DNAH7: variants seen among roughly 807,000 people sequenced by gnomAD.
DNAH7 encodes dynein axonemal heavy chain 7.
Under a neutral mutation model 444.6 loss-of-function variants are expected in DNAH7, and 397 were observed. The ratio of observed to expected loss-of-function variants is 0.89; its 90% CI spans 0.82 to 0.97. DNAH7 has a LOEUF of 0.97. Among genes scored for constraint, DNAH7 ranks in the 50% least tolerant of loss-of-function variants. The probability of loss-of-function intolerance (pLI) is 0.00; values close to 1 mark genes in which losing one functional copy is unlikely to be tolerated. For missense variants in DNAH7, 4,902 were observed against 4,800.8 expected (o/e 1.02, Z -0.62); for synonymous variants, 1,636 against 1,624.4 (o/e 1.01, Z -0.17).
In DNAH7 at chr2:195,957,387, T is replaced by C. The variant is rs772928771; in HGVS notation, c.2952A>G (p.Gln984=). The C allele has an allele frequency of 6.2e-6, 10 of 1,603,354 alleles. No homozygotes were observed. Among genetic ancestry groups the C allele is most frequent in the Non-Finnish European group, 8.5e-6 (10 of 1,172,592 alleles). The change falls in exon 19 of 65, where the codon CAA becomes CAG. Residue 984 remains glutamine (Q), a synonymous_variant. Coordinates refer to ENST00000312428, the MANE Select transcript of DNAH7 (RefSeq NM_018897.3). ...TGGGCTCCAGATACAGCCACGTGGC[T>C]TGGACTTTGAGCCATTCATCCAGAA... The part of the protein sequence containing the change: ...QEILDEWLKV[Q]ATWLYLEPIF...
chr2:196,064,340 TA>T (rs5837488), intron 1 of DNAH7, among the ~76,000 whole-genome samples: 119,769 of 142,192 alleles, frequency 0.84, 50,490 homozygotes, highest in South Asian at 0.96. Flanking sequence ...AATAAATAAA[TA>T]AATAAATAAT....
intron 37 of DNAH7, 121 bp downstream of exon 37, chr2:195,876,423 C>A: frequency 1.0e-6 from 1 of 971,570 alleles, no homozygotes; most frequent in Non-Finnish European, 1.5e-6. Flanking sequence ...ACCTTTTAAT[C>A]CAAATTTGTG....
At chr2:195,810,434 G>T (rs1302841980) in intron 51 of DNAH7, among the ~76,000 whole-genome samples, 1 of 152,002 alleles carries the variant, frequency 6.6e-6, no homozygotes, top group Non-Finnish European at 1.5e-5. Flanking sequence ...TTGAGACAGG[G>T]TCTCACTCTG....
intron 9 of DNAH7, among the ~76,000 whole-genome samples, chr2:196,016,140 A>G (rs1388562176): frequency 6.6e-6 from 1 of 152,150 alleles, no homozygotes; most frequent in Non-Finnish European, 1.5e-5. Flanking sequence ...GCCTCCTGAA[A>G]TCGTCTAACA....
intron 54 of DNAH7, among the ~76,000 whole-genome samples, chr2:195,805,588 T>C (rs1696670585): frequency 6.6e-6 from 1 of 152,164 alleles, no homozygotes; most frequent in Admixed American, 6.6e-5. Flanking sequence ...AGAGTGACTT[T>C]CGTGGACCCA....
intron 5 of DNAH7, among the ~76,000 whole-genome samples, chr2:196,035,515 G>A (rs1559356447): frequency 6.6e-6 from 1 of 152,140 alleles, no homozygotes. Context: ...TCTCAAGGAT[G>A]ATTGTATGAA....
chr2:195,801,718 G>A (rs568673898), intron 54 of DNAH7, among the ~76,000 whole-genome samples: 3 of 152,198 alleles, frequency 2.0e-5, no homozygotes, highest in South Asian at 2.1e-4. Flanking sequence ...TCCAAACTTC[G>A]ATTTTATAGT....
chr2:195,948,349 G>C (rs1689968448), intron 19 of DNAH7, among the ~76,000 whole-genome samples: 2 of 152,180 alleles, frequency 1.3e-5, no homozygotes, highest in Non-Finnish European at 2.9e-5. Flanking sequence ...TGGTGTTTTA[G>C]TCTTGAAGGC....
At chr2:196,040,425 C>G (rs1370423271) in intron 5 of DNAH7, among the ~76,000 whole-genome samples, 5 of 152,072 alleles carry the variant, frequency 3.3e-5, no homozygotes, top group Non-Finnish European at 5.9e-5. Flanking sequence ...GTTCAACATT[C>G]ATAAATCAAT....
intron 31 of DNAH7, 45 bp from the exon 32 acceptor site, chr2:195,889,026 TAA>T (rs1701863653): frequency 6.6e-7 from 1 of 1,510,324 alleles, no homozygotes; most frequent in African/African-American, 1.4e-5. Flanking sequence ...GTAATGATGA[TAA>T]TATAAAGAAA....
intron 28 of DNAH7, among the ~76,000 whole-genome samples, chr2:195,899,877 T>C (rs1011976221): frequency 1.3e-5 from 2 of 152,320 alleles, no homozygotes; most frequent in Non-Finnish European, 2.9e-5. Flanking sequence ...GCAAATCTAC[T>C]ACTGCTAGTC....
At chr2:196,053,798 A>G (rs1281256395) in intron 2 of DNAH7, among the ~76,000 whole-genome samples, 1 of 152,204 alleles carries the variant, frequency 6.6e-6, no homozygotes, top group African/African-American at 2.4e-5. Context: ...GTTACTTTGT[A>G]GCCATATGAT....
In DNAH7 at chr2:196,000,725, C is replaced by T. The variant is rs745862965; in HGVS notation, c.1332G>A (p.Glu444=). 3 of 1,575,606 alleles carry T rather than the reference C, an allele frequency of 1.9e-6. No homozygotes were observed. In the East Asian group the frequency reaches 6.8e-5, roughly 36 times the overall value. ...IKAVSFVPRV[E]TKLYSKWESK... ...TTACCCACTTGGAATACAATTTTGTCTCAACTCTTGGCACAAAACTGACAG... is the reference window on the plus strand; with the variant it reads ...TTACCCACTTGGAATACAATTTTGTTTCAACTCTTGGCACAAAACTGACAG... The change falls in exon 12 of 65, where the codon GAG becomes GAA. Residue 444 remains glutamate, a synonymous_variant. Transcript: ENST00000312428.
At position 195,922,119 on chromosome 2, in the gene DNAH7, C is replaced by T. The variant is rs1422369656; in HGVS notation, c.3904G>A (p.Val1302Ile). Residue 1302 changes from valine (V) to isoleucine (I), a missense_variant, in exon 24 of 65, where the codon GTT (valine) becomes ATT (isoleucine). Val to Ile is a conservative substitution (Grantham distance 29). Transcript: ENST00000312428. ...YEYLGNSPRL[V>I]ITPLTDRCYR... ...CATCTATCCGTGAGTGGTGTAATAACCAGCCTAGGGGAATTACCCAGATAT... is the reference window on the plus strand; with the variant it reads ...CATCTATCCGTGAGTGGTGTAATAATCAGCCTAGGGGAATTACCCAGATAT... The T allele has an allele frequency of 1.2e-6, 2 of 1,612,044 alleles. No homozygotes were observed. Among genetic ancestry groups the T allele is most frequent in the Non-Finnish European group, 8.5e-7 (1 of 1,178,232 alleles).
At position 195,865,032 on chromosome 2, in the gene DNAH7, AT is replaced by A; in HGVS notation, c.6634-12del. The A allele has an allele frequency of 6.5e-7, 1 of 1,547,552 alleles. No homozygotes were observed. Among genetic ancestry groups the A allele is most frequent in the Non-Finnish European group, 8.6e-7 (1 of 1,158,426 alleles). On this transcript the variant is annotated splice_polypyrimidine_tract_variant and intron_variant, in intron 40 of 64. Transcript: ENST00000312428. ...ATACACTCGAAGGACCTGTATAATA[AT>A]TAAAAAGCAGCTTTAGAAACTTTCT... is the stretch of plus-strand genomic sequence containing the variant.
chr2:195,853,191 GAAT>G (rs1298116676), intron 46 of DNAH7, 149 bp downstream of exon 46: 2 of 619,800 alleles, frequency 3.2e-6, no homozygotes, highest in Non-Finnish European at 5.1e-6. Flanking sequence ...CTAATTTACA[GAAT>G]AATTAAAATA....
chr2:196,064,231 C>T (rs1348255206), intron 1 of DNAH7, among the ~76,000 whole-genome samples: 2 of 151,576 alleles, frequency 1.3e-5, no homozygotes, highest in African/African-American at 2.4e-5. Context: ...AGGAGAATGG[C>T]GTGAACCTTG....
intron 58 of DNAH7, among the ~76,000 whole-genome samples, chr2:195,784,911 C>T: frequency 1.5e-5 from 2 of 132,172 alleles, no homozygotes; most frequent in African/African-American, 5.5e-5. Flanking sequence ...TATCTTTGAC[C>T]CTTTTTTTTT....
chr2:195,784,833 C>T (rs1363224234), intron 58 of DNAH7, among the ~76,000 whole-genome samples: 3 of 151,784 alleles, frequency 2.0e-5, no homozygotes, highest in East Asian at 3.9e-4. Context: ...TCTCTGATGA[C>T]ATATAATGTG....
Sources: allele counts gnomAD v4.1 joint callset (sites outside exome capture counted in the v4.1 genomes callset), GRCh38; gene constraint gnomAD v4.1.1; transcripts MANE v1.5; gene names NCBI Gene and HGNC (gene_info 2026-07-23, HGNC 2026-07-21).